ALPK2: variants seen among roughly 807,000 people sequenced by gnomAD.
ALPK2 encodes alpha-protein kinase 2.
In ALPK2, 127 loss-of-function variants were observed where a neutral mutation model predicts 163.1. The ratio of observed to expected loss-of-function variants is 0.78; its 90% CI spans 0.67 to 0.90. ALPK2 has a LOEUF of 0.90. Among genes scored for constraint, ALPK2 ranks in the 40% least tolerant of loss-of-function variants. ALPK2 has a pLI of 0.00. For synonymous variants in ALPK2, 953 were observed against 959.1 expected, an observed-to-expected ratio of 0.99 and a Z score of 0.12; for missense variants, 2,360 against 2,589.6, an observed-to-expected ratio of 0.91 and a Z score of 1.92.
chr18:58,505,621 T>G (rs988082939), intron 10 of ALPK2, among the ~76,000 whole-genome samples: 1 of 152,126 alleles, frequency 6.6e-6, no homozygotes, highest in Non-Finnish European at 1.5e-5. Context: ...CATTCCATGA[T>G]AGCTACACAG....
At chr18:58,538,801 G>A (rs1208866198) in intron 4 of ALPK2, among the ~76,000 whole-genome samples, 1 of 152,102 alleles carries the variant, frequency 6.6e-6, no homozygotes, top group East Asian at 1.9e-4. Context: ...GATCTCTTAC[G>A]AATAGATTTA....
intron 4 of ALPK2, among the ~76,000 whole-genome samples, chr18:58,538,897 C>G (rs918662466): frequency 2.0e-5 from 3 of 151,838 alleles, no homozygotes; most frequent in Non-Finnish European, 4.4e-5. Context: ...CCATCCCCAC[C>G]CCCACCCTGC....
intron 11 of ALPK2, among the ~76,000 whole-genome samples, chr18:58,499,270 TG>T (rs2051419171): frequency 6.6e-6 from 1 of 152,180 alleles, no homozygotes; most frequent in Non-Finnish European, 1.5e-5. Flanking sequence ...AACCCTTTTT[TG>T]CATGTGCCTT....
chr18:58,481,879 T>G lies in ALPK2; in HGVS notation c.6457A>C (p.Asn2153His), dbSNP rs751594533. Residue 2153 changes from asparagine to histidine, a missense_variant, in exon 13 of 13, where the codon AAC becomes CAC. Physicochemically the swap from Asn to His is moderately conservative, Grantham distance 68. Transcript: ENST00000361673. ...CCTGCCTTCTTTATTGTCATAGAGT[T>G]TGTTTGAACTTTGCTTTTCCCAATG... ...PSIGKSKVQT[N>H]SMTIKKAGPE... 1 of 1,614,172 alleles carries G rather than the reference T, an allele frequency of 6.2e-7. No homozygotes were observed. Among genetic ancestry groups the G allele is most frequent in the Non-Finnish European group, 8.5e-7 (1 of 1,180,014 alleles).
intron 6 of ALPK2, among the ~76,000 whole-genome samples, chr18:58,524,386 G>T (rs1157489056): frequency 6.6e-6 from 1 of 152,192 alleles, no homozygotes; most frequent in Non-Finnish European, 1.5e-5. Context: ...ACTAATCCGG[G>T]TGTCCTGTGC....
intron 4 of ALPK2, among the ~76,000 whole-genome samples, chr18:58,576,812 G>A (rs927976111): frequency 1.3e-5 from 2 of 152,176 alleles, no homozygotes; most frequent in African/African-American, 2.4e-5. Flanking sequence ...CAGGCTGCAC[G>A]GAACTGCTCT....
chr18:58,583,751 A>AG (rs1464280997), intron 3 of ALPK2, among the ~76,000 whole-genome samples: 26 of 135,434 alleles, frequency 1.9e-4, no homozygotes, highest in African/African-American at 2.6e-4. Flanking sequence ...AAAAAAAAAA[A>AG]AAAGAAAGAA....
intron 4 of ALPK2, among the ~76,000 whole-genome samples, chr18:58,554,768 G>A (rs146721822): frequency 1.7e-3 from 255 of 152,254 alleles, no homozygotes; most frequent in African/African-American, 5.5e-3. Flanking sequence ...GCTTGATATG[G>A]TTTGGCTGTG....
At chr18:58,528,104 T>C (rs960922005) in intron 6 of ALPK2, among the ~76,000 whole-genome samples, 1 of 152,210 alleles carries the variant, frequency 6.6e-6, no homozygotes, top group African/African-American at 2.4e-5. Context: ...AATTCATCAG[T>C]TCACTTGAAC....
intron 12 of ALPK2, among the ~76,000 whole-genome samples, chr18:58,486,829 A>G (rs899344275): frequency 2.0e-5 from 3 of 152,238 alleles, no homozygotes; most frequent in Non-Finnish European, 4.4e-5. Context: ...AAGAAGAAAA[A>G]TAGGGCAACA....
intron 4 of ALPK2, among the ~76,000 whole-genome samples, chr18:58,575,534 TGCAGGA>T (rs909845508): frequency 6.6e-6 from 1 of 152,198 alleles, no homozygotes; most frequent in African/African-American, 2.4e-5. Context: ...TGGGCAGCTG[TGCAGGA>T]GCACAGACGC....
intron 10 of ALPK2, chr18:58,512,385 A>G: frequency 1.3e-5 from 2 of 152,330 alleles, no homozygotes; most frequent in South Asian, 4.1e-4. Context: ...GGAGTGTTTT[A>G]TCTCCAAGAC....
intron 4 of ALPK2, among the ~76,000 whole-genome samples, chr18:58,547,113 T>A (rs1349308359): frequency 6.9e-6 from 1 of 143,942 alleles, no homozygotes; most frequent in Non-Finnish European, 1.5e-5. Flanking sequence ...GAGTCTTTCT[T>A]CCACAGTAAA....
intron 4 of ALPK2, among the ~76,000 whole-genome samples, chr18:58,573,411 TG>T (rs1164770565): frequency 6.8e-5 from 9 of 132,650 alleles, no homozygotes; most frequent in African/African-American, 2.0e-4. Flanking sequence ...TATATATATA[TG>T]TTTTTTTTTT....
intron 1 of ALPK2, among the ~76,000 whole-genome samples, chr18:58,617,685 A>G (rs1356339821): frequency 3.9e-5 from 6 of 152,172 alleles, no homozygotes; most frequent in Admixed American, 3.3e-4. Flanking sequence ...TCATCTAAAT[A>G]TATGATAATT....
chr18:58,598,226 C>G (rs1413144845), intron 3 of ALPK2, among the ~76,000 whole-genome samples: 1 of 152,250 alleles, frequency 6.6e-6, no homozygotes, highest in African/African-American at 2.4e-5. Flanking sequence ...CTGGAGGATC[C>G]AGAGCGGCAG....
chr18:58,549,750 T>G (rs1020707304), intron 4 of ALPK2, among the ~76,000 whole-genome samples: 14 of 152,204 alleles, frequency 9.2e-5, no homozygotes, highest in African/African-American at 3.4e-4. Flanking sequence ...TCCAATCCCT[T>G]GGGCAGTCCT....
At chr18:58,590,826 G>T in intron 3 of ALPK2, among the ~76,000 whole-genome samples, 1 of 152,092 alleles carries the variant, frequency 6.6e-6, no homozygotes, top group Non-Finnish European at 1.5e-5. Flanking sequence ...CACACCTAAA[G>T]AGCCGAAACG....
intron 1 of ALPK2, among the ~76,000 whole-genome samples, chr18:58,614,031 AAAAT>A (rs1450657364): frequency 6.6e-6 from 1 of 152,270 alleles, no homozygotes; most frequent in Admixed American, 6.5e-5. Context: ...TCAGGGTTAA[AAAAT>A]AAATTAATTA....
Sources: gnomAD v4.1 joint callset for allele counts (sites outside exome capture counted in the v4.1 genomes callset) on GRCh38, gnomAD v4.1.1 for gene constraint, MANE v1.5 for transcripts, NCBI Gene and HGNC (gene_info 2026-07-23, HGNC 2026-07-21) for gene names.